The following PHF8 variants were observed in gnomAD, a reference collection of about 807,000 sequenced individuals.
PHF8 encodes the protein PHD finger protein 8.
Under a neutral mutation model 74.4 loss-of-function variants are expected in PHF8, and 9 were observed. The ratio of observed to expected loss-of-function variants is 0.12; its 90% CI spans 0.07 to 0.21. The LOEUF (loss-of-function observed/expected upper bound fraction) is 0.21, where lower values mean the gene tolerates loss of function less well. PHF8 is among the 10% of genes least tolerant of loss of function. PHF8 has a pLI of 1.00. For missense variants in PHF8, 478 were observed against 816.6 expected (o/e 0.59, Z 5.05); for synonymous variants, 311 against 316.6 (o/e 0.98, Z 0.19).
intron 3 of PHF8, 32 bp from the exon 4 acceptor site, chrX:54,022,399 C>A (rs1557110294): frequency 1.1e-6 from 1 of 932,058 alleles, no homozygotes; most frequent in Non-Finnish European, 1.6e-6. Context: ...GATTGTGAGT[C>A]AGAACGGTCA....
intron 2 of PHF8, among the ~76,000 whole-genome samples, chrX:54,041,388 TAA>T (rs370388675): frequency 3.0e-4 from 13 of 43,488 alleles, no homozygotes; most frequent in Non-Finnish European, 3.3e-4. Flanking sequence ...TTGTCTCAAA[TAA>T]AAAAAAAAAA....
chrX:53,970,001 A>G (rs2065268655), intron 18 of PHF8, among the ~76,000 whole-genome samples: 1 of 112,533 alleles, frequency 8.9e-6, no homozygotes, highest in Non-Finnish European at 1.9e-5. Context: ...ACTTAAATGT[A>G]AGACCTGAAA....
At chrX:53,977,283 C>T (rs2065395016) in intron 18 of PHF8, among the ~76,000 whole-genome samples, 1 of 111,814 alleles carries the variant, frequency 8.9e-6, no homozygotes, top group Admixed American at 9.5e-5. Context: ...TGCAGTGAGC[C>T]GAGATCGTGC....
chrX:54,037,000 T>TAAAAAAA (rs56902207), intron 2 of PHF8, among the ~76,000 whole-genome samples: 47 of 63,168 alleles, frequency 7.4e-4, no homozygotes, highest in African/African-American at 1.4e-3. Flanking sequence ...TCAGAAAAAA[T>TAAAAAAA]AAAAAAAAAA....
chrX:53,952,538 G>A (rs1029292996), intron 19 of PHF8, among the ~76,000 whole-genome samples: 1 of 111,866 alleles, frequency 8.9e-6, no homozygotes, highest in African/African-American at 3.2e-5. Flanking sequence ...TAGCATAAAA[G>A]AGAAGGGTAA....
chrX:53,974,028 G>A (rs1212454016), intron 18 of PHF8, among the ~76,000 whole-genome samples: 1 of 111,321 alleles, frequency 9.0e-6, no homozygotes, highest in African/African-American at 3.3e-5. Flanking sequence ...GGGGGGCTGA[G>A]GCGGGCGGAT....
intron 18 of PHF8, among the ~76,000 whole-genome samples, chrX:53,976,046 G>A (rs1322582000): frequency 1.8e-5 from 2 of 111,052 alleles, no homozygotes; most frequent in African/African-American, 6.5e-5. Context: ...TGGGCATGGT[G>A]GCTCACACCT....
chrX:54,018,978 A>C (rs1201427843), intron 4 of PHF8, among the ~76,000 whole-genome samples: 2 of 111,843 alleles, frequency 1.8e-5, no homozygotes, highest in Non-Finnish European at 3.8e-5. Flanking sequence ...CCAAAAAATA[A>C]AGCTTTAAGA....
chrX:53,972,090 C>T (rs1002901999), intron 18 of PHF8, among the ~76,000 whole-genome samples: 35 of 110,345 alleles, frequency 3.2e-4, no homozygotes, highest in Admixed American at 7.8e-4. Context: ...TTTGGGAGGC[C>T]GAGGCAGGCA....
At chrX:53,993,532 CT>C in intron 13 of PHF8, 68 bp downstream of exon 13, 24 of 994,853 alleles carry the variant, frequency 2.4e-5, no homozygotes, top group Non-Finnish European at 3.4e-5. Context: ...GGATAGCCTG[CT>C]TTTTGAAACC....
chrX:54,002,705 CA>C, intron 8 of PHF8, 23 bp from the exon 9 acceptor site: 2 of 1,063,732 alleles, frequency 1.9e-6, no homozygotes, highest in Non-Finnish European at 2.6e-6. Flanking sequence ...AAGGCAAAAT[CA>C]AAGCTGGAAG....
Position 54,014,623 on chromosome X carries a change from G to C in PHF8, c.597-60C>G, listed in dbSNP as rs1325486773. The C allele has an allele frequency of 9.7e-6, 8 of 825,467 alleles. No individual in the cohort carries two copies. In the African/African-American group the frequency reaches 1.2e-4, roughly 12 times the overall value. 68.0% of individuals were successfully genotyped at this position (825,467 alleles called of 1,213,427 possible). A position where few individuals can be genotyped will look rare whatever the true frequency, so the allele number is the denominator to read the frequency against. On this transcript the variant is annotated intron_variant, in intron 6 of 21. Transcript: ENST00000338154. Reference sequence around the variant, plus strand: ...GATTAGGAAGAGAAGATTGAGGCCTGAATAAAATACCCCACAGTTCAGTGA... The same window carrying C: ...GATTAGGAAGAGAAGATTGAGGCCTCAATAAAATACCCCACAGTTCAGTGA...
chrX:53,996,843 C>T (rs781961957), intron 11 of PHF8, among the ~76,000 whole-genome samples: 15 of 112,097 alleles, frequency 1.3e-4, no homozygotes, highest in Admixed American at 5.7e-4. Flanking sequence ...CACTGCACCC[C>T]GGCTGGAAAC....
At chrX:54,024,492 C>G (rs1320301186) in intron 2 of PHF8, among the ~76,000 whole-genome samples, 1 of 111,987 alleles carries the variant, frequency 8.9e-6, no homozygotes, top group African/African-American at 3.2e-5. Flanking sequence ...AAACTTTCAC[C>G]CTATGTGGCT....
chrX:53,989,224 G>A (rs1301399085), intron 14 of PHF8, among the ~76,000 whole-genome samples: 1 of 110,942 alleles, frequency 9.0e-6, no homozygotes, highest in Non-Finnish European at 1.9e-5. Context: ...GCCTCCCAAA[G>A]TGTTGGGATT....
intron 14 of PHF8, 81 bp downstream of exon 14, chrX:53,992,655 G>T: frequency 1.7e-6 from 1 of 582,587 alleles, no homozygotes; most frequent in Non-Finnish European, 3.0e-6. Flanking sequence ...CCAACCCCTA[G>T]ATTCCAATTC....
At chrX:54,003,676 A>T (rs184637908) in intron 8 of PHF8, among the ~76,000 whole-genome samples, 1 of 112,023 alleles carries the variant, frequency 8.9e-6, no homozygotes, top group Admixed American at 9.5e-5. Flanking sequence ...ATTGTTCTTT[A>T]TATCTTTTGG....
intron 18 of PHF8, among the ~76,000 whole-genome samples, chrX:53,984,531 A>G (rs901866739): frequency 8.9e-6 from 1 of 112,171 alleles, no homozygotes; most frequent in African/African-American, 3.2e-5. Flanking sequence ...GTATCTCTGC[A>G]AGGGACAAAC....
At chrX:54,017,274 CA>C (rs1216539371) in intron 5 of PHF8, among the ~76,000 whole-genome samples, 1 of 112,184 alleles carries the variant, frequency 8.9e-6, no homozygotes, top group African/African-American at 3.2e-5. Context: ...AGTGTGACAT[CA>C]TCTCTACAAA....
Sources: gnomAD v4.1 joint callset for allele counts (sites outside exome capture counted in the v4.1 genomes callset) on GRCh38, gnomAD v4.1.1 for gene constraint, MANE v1.5 for transcripts, NCBI Gene and HGNC (gene_info 2026-07-23, HGNC 2026-07-21) for gene names.